CA4: variants seen among roughly 807,000 people sequenced by gnomAD.
CA4 encodes CA-IV.
In CA4, 24 loss-of-function variants were observed where a neutral mutation model predicts 34.5. The observed-to-expected ratio is 0.70, with a 90% CI of 0.50 to 0.98. The LOEUF is 0.98. CA4 is among the 50% of genes least tolerant of loss of function. The pLI is 0.00. For missense variants in CA4, 394 were observed against 396.7 expected (o/e 0.99, Z 0.06); for synonymous variants, 178 against 170.6 (o/e 1.04, Z -0.34).
intron 5 of CA4, among the ~76,000 whole-genome samples, chr17:60,168,872 C>G (rs967924914): frequency 5.3e-5 from 8 of 152,124 alleles, no homozygotes; most frequent in African/African-American, 1.9e-4. Flanking sequence ...AAAGGAGAAC[C>G]AATGAAACCT....
At chr17:60,165,674 C>G (rs919677299) in intron 5 of CA4, among the ~76,000 whole-genome samples, 1 of 152,168 alleles carries the variant, frequency 6.6e-6, no homozygotes, top group Non-Finnish European at 1.5e-5. Flanking sequence ...CTGCCTCCCA[C>G]AAGCCTATCC....
At chr17:60,167,549 A>G (rs1366239548) in intron 5 of CA4, among the ~76,000 whole-genome samples, 3 of 152,212 alleles carry the variant, frequency 2.0e-5, no homozygotes, top group Non-Finnish European at 2.9e-5. Context: ...TAAAAGGAAA[A>G]ATGATAGCAA....
intron 1 of CA4, among the ~76,000 whole-genome samples, chr17:60,152,413 G>C (rs747836280): frequency 6.6e-6 from 1 of 152,220 alleles, no homozygotes; most frequent in Non-Finnish European, 1.5e-5. Context: ...GTAGTTACAA[G>C]TGCGTTCAGC....
chr17:60,150,079 A>G lies in CA4; in HGVS notation c.45A>G (p.Pro15=). ...TCCTGGCCCTCTCCGCGGCGCGGCC[A>G]TCGGCCAGTGCAGGTGAGCTCCCGG... is the stretch of plus-strand genomic sequence containing the variant. The part of the protein sequence containing the change: ...LALLALSAAR[P]SASAESHWCY... Residue 15 remains proline, a synonymous_variant, in exon 1 of 8, where the codon CCA becomes CCG. Transcript: ENST00000300900. The G allele has an allele frequency of 1.9e-6, 3 of 1,599,156 alleles. No individual in the cohort carries two copies. Among genetic ancestry groups the G allele is most frequent in the Non-Finnish European group, 2.5e-6 (3 of 1,178,908 alleles).
chr17:60,159,430 C>T lies in CA4; in HGVS notation c.*6C>T. On this transcript the variant is annotated 3_prime_UTR_variant, in exon 8 of 8. Transcript: ENST00000300900. ...TGGCCGGCTTCCTGCGATGATGGCT[C>T]ACTTCTGCACGCAGCCTCTCTGTTG... 1 of 1,610,394 alleles carries T rather than the reference C, an allele frequency of 6.2e-7. No individual in the cohort carries two copies. Among genetic ancestry groups the T allele is most frequent in the Non-Finnish European group, 8.5e-7 (1 of 1,179,498 alleles).
chr17:60,177,019 C>T, the CA4 span, among the ~76,000 whole-genome samples: 4 of 152,212 alleles, frequency 2.6e-5, no homozygotes, highest in Non-Finnish European at 4.4e-5. Flanking sequence ...TCCTGCTGTG[C>T]AGCCCAGTTC....
chr17:60,166,056 C>CTCCTCCCGGTCACCTCCCTCCCTA (rs1159030217), intron 5 of CA4, among the ~76,000 whole-genome samples: 14 of 152,158 alleles, frequency 9.2e-5, no homozygotes, highest in African/African-American at 3.4e-4. Context: ...CCACTCCTTC[C>CTCCTCCCGGTCACCTCCCTCCCTA]TCCTCCCGGT....
intron 7 of CA4, 133 bp downstream of exon 7, chr17:60,158,579 G>A (rs771080983): frequency 1.1e-5 from 9 of 849,086 alleles, no homozygotes; most frequent in Admixed American, 8.5e-5. Context: ...GTTAATCATC[G>A]ACATTCACTG....
rs576319406 is a variant in CA4 at position 60,156,595 on chromosome 17, C to T, written c.148C>T (p.Arg50Cys). ...VKWGGNCQKD[R>C]QSPINIVTTK... is the part of the protein sequence containing the mutation. Reference sequence around the variant, plus strand: ...GTGGGGTGGAAACTGCCAGAAGGACCGCCAGTCCCCCATCAACATCGTCAC... The same window carrying T: ...GTGGGGTGGAAACTGCCAGAAGGACTGCCAGTCCCCCATCAACATCGTCAC... Residue 50 changes from arginine (R) to cysteine (C), a missense_variant, in exon 3 of 8, where the codon CGC becomes TGC. Coordinates refer to ENST00000300900, the MANE Select transcript of CA4 (RefSeq NM_000717.5). The T allele has an allele frequency of 1.4e-5, 22 of 1,614,096 alleles. No individual in the cohort carries two copies. The East Asian group carries it at 2.0e-4, about 15-fold the overall frequency.
chr17:60,169,262 A>AAAGCAGCAGC (rs1555574044), intron 5 of CA4, among the ~76,000 whole-genome samples: 1 of 149,660 alleles, frequency 6.7e-6, no homozygotes, highest in Non-Finnish European at 1.5e-5. Flanking sequence ...AAAAAAAAAA[A>AAAGCAGCAGC]AGCAGCAGCA....
rs1276525310 is a variant in CA4 at position 60,159,436 on chromosome 17, T to TG, written c.*13dup. ...GCTTCCTGCGATGATGGCTCACTTCTGCACGCAGCCTCTCTGTTGCCTCAG... is the reference window on the plus strand; with the variant it reads ...GCTTCCTGCGATGATGGCTCACTTCTGGCACGCAGCCTCTCTGTTGCCTCAG... On this transcript the variant is annotated 3_prime_UTR_variant, in exon 8 of 8. Coordinates refer to ENST00000300900, the MANE Select transcript of CA4 (RefSeq NM_000717.5). 9 of 1,609,672 alleles carry TG rather than the reference T, an allele frequency of 5.6e-6. No homozygotes were observed. The highest frequency in any genetic ancestry group is 7.6e-6 in the Non-Finnish European group (9 of 1,179,334).
downstream of CA4, among the ~76,000 whole-genome samples, chr17:60,175,781 CT>C (rs1177251831): frequency 2.6e-5 from 4 of 151,428 alleles, no homozygotes; most frequent in African/African-American, 9.7e-5. Flanking sequence ...CTTAAACAAG[CT>C]GCCACTGCTG....
At chr17:60,167,574 A>G (rs1173154916) in intron 5 of CA4, among the ~76,000 whole-genome samples, 1 of 152,248 alleles carries the variant, frequency 6.6e-6, no homozygotes, top group East Asian at 1.9e-4. Context: ...TGGAACTACC[A>G]GGCACCATTC....
At chr17:60,151,929 G>C (rs893978961) in intron 1 of CA4, among the ~76,000 whole-genome samples, 1 of 151,892 alleles carries the variant, frequency 6.6e-6, no homozygotes, top group Non-Finnish European at 1.5e-5. Context: ...GAGCGACTGA[G>C]ACTTTGCCCA....
At chr17:60,168,040 G>T (rs2083872443) in intron 5 of CA4, among the ~76,000 whole-genome samples, 1 of 151,938 alleles carries the variant, frequency 6.6e-6, no homozygotes, top group Non-Finnish European at 1.5e-5. Context: ...TGACAAGCTG[G>T]GTCCAAGTGA....
downstream of CA4, among the ~76,000 whole-genome samples, chr17:60,162,762 G>A (rs908838212): frequency 6.6e-6 from 1 of 152,156 alleles, no homozygotes; most frequent in African/African-American, 2.4e-5. Context: ...ATCCCATTGG[G>A]GTGGTGTTAT....
intron 5 of CA4, 48 bp from the exon 6 acceptor site, chr17:60,158,013 C>T: frequency 1.2e-6 from 2 of 1,606,666 alleles, no homozygotes; most frequent in Non-Finnish European, 1.7e-6. Flanking sequence ...CTGGCCACCA[C>T]CACTGGCTCC....
intron 3 of CA4, chr17:60,156,918 T>C (rs1567730289): frequency 1.6e-6 from 1 of 630,994 alleles, no homozygotes; most frequent in Admixed American, 2.5e-5. Flanking sequence ...CAGTCTGGGA[T>C]GTGGGGGCAG....
rs35468643 is a variant in CA4, at chr17:60,156,651, A to G, written c.204A>G (p.Gly68=). 2.7e-3 allele frequency: 4,330 copies of G among 1,614,078 alleles called. 92 individuals carry two copies. The African/African-American group carries it at 0.049, about 18-fold the overall frequency. Residue 68 remains glycine (G), a synonymous_variant, in exon 3 of 8, where the codon GGA becomes GGG. Coordinates refer to ENST00000300900, the MANE Select transcript of CA4 (RefSeq NM_000717.5). ...TTKAKVDKKL[G]RFFFSGYDKK... ...AGGCAAAGGTGGACAAAAAACTGGG[A>G]CGCTTCTTCTTCTCTGGCTACGATA...
Sources: gnomAD v4.1 joint callset for allele counts (sites outside exome capture counted in the v4.1 genomes callset) on GRCh38, gnomAD v4.1.1 for gene constraint, MANE v1.5 for transcripts, NCBI Gene and HGNC (gene_info 2026-07-23, HGNC 2026-07-21) for gene names.